Variants in WDR7 observed in about 807,000 individuals in gnomAD.
WDR7 encodes the protein WD repeat-containing protein 7.
In WDR7, 46 loss-of-function variants were observed where a neutral mutation model predicts 169.4. The ratio of observed to expected loss-of-function variants is 0.27; its 90% CI spans 0.21 to 0.35. WDR7 has a LOEUF of 0.35. Among genes scored for constraint, WDR7 ranks in the 10% least tolerant of loss-of-function variants. WDR7 has a pLI of 1.00. For missense variants in WDR7, 1,534 were observed against 1,859.3 expected, an observed-to-expected ratio of 0.83 and a Z score of 3.22; for synonymous variants, 612 against 666.8, an observed-to-expected ratio of 0.92 and a Z score of 1.27.
chr18:56,818,276 T>C (rs1238465506), intron 20 of WDR7, among the ~76,000 whole-genome samples: 3 of 152,266 alleles, frequency 2.0e-5, no homozygotes, highest in African/African-American at 7.2e-5. Flanking sequence ...GTAAGCATTA[T>C]TAAATCAGTA....
At chr18:56,807,612 A>G (rs183926724) in intron 19 of WDR7, among the ~76,000 whole-genome samples, 1 of 151,878 alleles carries the variant, frequency 6.6e-6, no homozygotes, top group African/African-American at 2.4e-5. Context: ...TTTTCAGTAA[A>G]TGTTTCCCTT....
chr18:56,905,315 G>C (rs1409640173), intron 21 of WDR7, among the ~76,000 whole-genome samples: 4 of 151,956 alleles, frequency 2.6e-5, no homozygotes, highest in African/African-American at 4.8e-5. Flanking sequence ...CACCCAGCTA[G>C]TTTCTGTATT....
At chr18:57,020,905 A>G (rs2145939543) in intron 27 of WDR7, 56 bp downstream of exon 27, 17 of 1,531,800 alleles carry the variant, frequency 1.1e-5, no homozygotes, top group Non-Finnish European at 1.5e-5. Flanking sequence ...TGCCTTTGGT[A>G]GTAAGCCTTC....
chr18:56,830,287 A>G (rs1279569748), intron 20 of WDR7, among the ~76,000 whole-genome samples: 9 of 152,226 alleles, frequency 5.9e-5, no homozygotes, highest in Non-Finnish European at 1.3e-4. Context: ...GGTTTTCACC[A>G]TACACGGCAC....
At position 56,672,508 on chromosome 18, in the gene WDR7, C is replaced by T. The variant is rs776763912; in HGVS notation, c.-8C>T. 8 of 1,527,792 alleles carry T rather than the reference C, an allele frequency of 5.2e-6. No individual in the cohort carries two copies. In the Admixed American group the frequency reaches 1.7e-4, roughly 32 times the overall value. 94.6% of individuals were successfully genotyped at this position (1,527,792 alleles called of 1,614,324 possible). ...TATAACATTTTCAGGTTTGAAAACA[C>T]AAACACAATGGCAGGAAACAGCCTT... On this transcript the variant is annotated 5_prime_UTR_variant, in exon 2 of 28. Coordinates refer to ENST00000254442, the MANE Select transcript of WDR7 (RefSeq NM_015285.3).
At chr18:57,009,930 C>T in intron 26 of WDR7, 1 of 985,416 alleles carries the variant, frequency 1.0e-6, no homozygotes, top group African/African-American at 1.7e-5. Flanking sequence ...TTCCGTTAAC[C>T]ATAACCCAAA....
chr18:56,725,158 G>A (rs1016261255), intron 13 of WDR7, among the ~76,000 whole-genome samples: 2 of 150,508 alleles, frequency 1.3e-5, no homozygotes, highest in African/African-American at 5.0e-5. Flanking sequence ...TAATCCTTTG[G>A]GTATATACCC....
intron 12 of WDR7, among the ~76,000 whole-genome samples, chr18:56,697,013 A>T (rs1402710923): frequency 2.0e-5 from 3 of 152,180 alleles, no homozygotes; most frequent in African/African-American, 7.2e-5. Context: ...TTAGGCTGTG[A>T]TGTCTTATAA....
chr18:56,735,096 G>A (rs557549035), intron 14 of WDR7, among the ~76,000 whole-genome samples: 1 of 152,114 alleles, frequency 6.6e-6, no homozygotes, highest in Non-Finnish European at 1.5e-5. Flanking sequence ...ACATTTTAAT[G>A]TAAGACACTT....
At chr18:56,669,661 T>A (rs1413913795) in intron 1 of WDR7, among the ~76,000 whole-genome samples, 1 of 152,070 alleles carries the variant, frequency 6.6e-6, no homozygotes. Flanking sequence ...ATTATATATA[T>A]AATATTTTGG....
chr18:56,744,318 G>A lies in WDR7; in HGVS notation c.1990-12265G>A, dbSNP rs113562009. Among the ~76,000 whole-genome samples, 1,071 of 151,472 alleles carry A rather than the reference G, an allele frequency of 7.1e-3. 10 individuals carry two copies. The highest frequency in any genetic ancestry group is 0.012 in the Non-Finnish European group (798 of 67,834). ...GGATGGATATATGTTTCTGTGGATA[G>A]TGGATGGGGATTGAGGAGAGAGCAT... On this transcript the variant is annotated intron_variant, in intron 14 of 27. Transcript: ENST00000254442.
chr18:56,985,953 A>G (rs1375505618), intron 26 of WDR7, among the ~76,000 whole-genome samples: 1 of 152,180 alleles, frequency 6.6e-6, no homozygotes, highest in African/African-American at 2.4e-5. Flanking sequence ...CAATTACTCT[A>G]AATTTGTGTT....
In WDR7 at chr18:57,010,632, ATAAT is replaced by A. The variant is rs558886498; in HGVS notation, c.4165-10108_4165-10105del. Among the ~76,000 whole-genome samples the A allele has an allele frequency of 1.1e-3, 162 of 152,312 alleles. 1 individual carries two copies. The South Asian group carries it at 0.023, about 22-fold the overall frequency. On this transcript the variant is annotated intron_variant, in intron 26 of 27. Transcript: ENST00000254442. ...CCTAATTTTCAAAGTATGATTCTAT[ATAAT>A]TAATCATTTCAACATGCAAAGAAAA...
At chr18:56,783,585 C>G (rs1001018176) in intron 19 of WDR7, among the ~76,000 whole-genome samples, 1 of 151,964 alleles carries the variant, frequency 6.6e-6, no homozygotes, top group Non-Finnish European at 1.5e-5. Flanking sequence ...CATCTTTATT[C>G]CAAATGGACT....
intron 8 of WDR7, 145 bp from the exon 9 acceptor site, chr18:56,691,570 A>G: frequency 1.1e-6 from 1 of 894,054 alleles, no homozygotes; most frequent in Non-Finnish European, 1.6e-6. Context: ...TATTTTTATA[A>G]CATTATTTAA....
intron 1 of WDR7, among the ~76,000 whole-genome samples, chr18:56,654,671 G>C (rs1282580438): frequency 6.6e-6 from 1 of 152,092 alleles, no homozygotes. Flanking sequence ...CTTATATTTT[G>C]ATATAATCAA....
rs182349972 is a variant in WDR7, at chr18:56,805,107, C to G, written c.3191-10924C>G. 2.6e-5 allele frequency among the ~76,000 whole-genome samples: 4 copies of G among 152,228 alleles called. No homozygotes were observed. In the East Asian group the frequency reaches 5.8e-4, roughly 22 times the overall value. Reference sequence around the variant, plus strand: ...TCGTCTCTGGAAACACTCTCACAGGCACACCCTAAGTAATGCTTTGGGTTG... The same window carrying G: ...TCGTCTCTGGAAACACTCTCACAGGGACACCCTAAGTAATGCTTTGGGTTG... On this transcript the variant is annotated intron_variant, in intron 19 of 27. Coordinates refer to ENST00000254442, the MANE Select transcript of WDR7 (RefSeq NM_015285.3).
At chr18:57,034,830 G>C in the WDR7 span, 1 of 152,042 alleles carries the variant, frequency 6.6e-6, no homozygotes. Flanking sequence ...AAGTCTCTCT[G>C]AGACTCCTTA....
intron 12 of WDR7, among the ~76,000 whole-genome samples, chr18:56,708,497 G>A (rs190660962): frequency 6.6e-6 from 1 of 152,304 alleles, no homozygotes; most frequent in East Asian, 1.9e-4. Context: ...TTTGGGAGTT[G>A]TAATACCAGG....
Sources: allele counts gnomAD v4.1 joint callset (sites outside exome capture counted in the v4.1 genomes callset), GRCh38; gene constraint gnomAD v4.1.1; transcripts MANE v1.5; gene names NCBI Gene and HGNC (gene_info 2026-07-23, HGNC 2026-07-21).